ARID3A: variants seen among roughly 807,000 people sequenced by gnomAD.
ARID3A encodes the protein AT-rich interactive domain-containing protein 3A.
Under a neutral mutation model 52.7 loss-of-function variants are expected in ARID3A, and 11 were observed. The observed-to-expected ratio is 0.21, with a 90% CI of 0.13 to 0.35. The LOEUF (loss-of-function observed/expected upper bound fraction) is 0.35, where lower values mean the gene tolerates loss of function less well. Among genes scored for constraint, ARID3A ranks in the 10% least tolerant of loss-of-function variants. The pLI, the probability that ARID3A is intolerant of heterozygous loss-of-function variation, is 1.00. For synonymous variants in ARID3A, 404 were observed against 359.4 expected (o/e 1.12, Z -1.40); for missense variants, 721 against 838.5 (o/e 0.86, Z 1.73).
At position 932,604 on chromosome 19, in the gene ARID3A, C is replaced by T. The variant is rs774468616; in HGVS notation, c.555C>T (p.Gly185=). ...CCCAGCCACCCCAGGCCTTCCGCGG[C>T]GATGGCGTTCCCAGGGTGCTGGGGG... ...RKAQPPQAFR[G]DGVPRVLGGQ... Residue 185 remains glycine, a synonymous_variant, in exon 3 of 9, where the codon GGC becomes GGT. Coordinates refer to ENST00000263620, the MANE Select transcript of ARID3A (RefSeq NM_005224.3). The T allele has an allele frequency of 3.7e-5, 56 of 1,518,064 alleles. No individual in the cohort carries two copies. The South Asian group carries it at 5.0e-4, about 13-fold the overall frequency. The allele number at this position is 1,518,064 out of a possible 1,614,324, so 94.0% of individuals were successfully genotyped here.
At position 972,889 on chromosome 19, in the gene ARID3A, G is replaced by A. The variant is rs888380078; in HGVS notation, c.*824G>A. The A allele has an allele frequency of 5.1e-6, 1 of 195,474 alleles. No individual in the cohort carries two copies. The highest frequency in any genetic ancestry group is 1.1e-5 in the Non-Finnish European group (1 of 94,980). 12.1% of individuals were successfully genotyped at this position (195,474 alleles called of 1,614,324 possible). ...GGTCCCTTTGTCCATTTCTGGGGGT[G>A]CGTTGGGCAGCTGTGAGCCCAGCAC... On this transcript the variant is annotated 3_prime_UTR_variant, in exon 9 of 9. Coordinates refer to ENST00000263620, the MANE Select transcript of ARID3A (RefSeq NM_005224.3).
chr19:952,177 G>T (rs1476787410), intron 3 of ARID3A, among the ~76,000 whole-genome samples: 1 of 151,904 alleles, frequency 6.6e-6, no homozygotes, highest in Non-Finnish European at 1.5e-5. Context: ...GGGCGTGGTG[G>T]TTCATGCCCA....
chr19:939,094 C>A (rs1008903668), intron 3 of ARID3A, among the ~76,000 whole-genome samples: 13 of 140,858 alleles, frequency 9.2e-5, no homozygotes, highest in Non-Finnish European at 1.5e-5. Flanking sequence ...CCACACCTGG[C>A]CTATTTATTT....
intron 3 of ARID3A, among the ~76,000 whole-genome samples, chr19:953,367 C>T (rs1409027620): frequency 2.0e-5 from 3 of 152,016 alleles, no homozygotes; most frequent in Non-Finnish European, 4.4e-5. Flanking sequence ...CCCCCACCGG[C>T]GCCACCACCC....
At chr19:935,355 C>CCAG (rs1430474837) in intron 3 of ARID3A, among the ~76,000 whole-genome samples, 1 of 152,182 alleles carries the variant, frequency 6.6e-6, no homozygotes, top group African/African-American at 2.4e-5. Context: ...GTTTTGGAGG[C>CCAG]CAGCACGTGT....
Position 950,037 on chromosome 19 carries a change from G to A in ARID3A, c.694-10055G>A, listed in dbSNP as rs1048968696. 9.3e-5 allele frequency among the ~76,000 whole-genome samples: 14 copies of A among 150,912 alleles called. 1 individual carries two copies. The East Asian group carries it at 2.4e-3, about 25-fold the overall frequency. Reference sequence around the variant, plus strand: ...CAAAGAGGCCGTCCCCAGAGTGAACGGATGGATGAGGCCGTCCCCAGAGTG... The same window carrying A: ...CAAAGAGGCCGTCCCCAGAGTGAACAGATGGATGAGGCCGTCCCCAGAGTG... On this transcript the variant is annotated intron_variant, in intron 3 of 8. Coordinates refer to ENST00000263620, the MANE Select transcript of ARID3A (RefSeq NM_005224.3).
At chr19:931,950 G>C (rs879084091) in intron 2 of ARID3A, among the ~76,000 whole-genome samples, 3 of 152,108 alleles carry the variant, frequency 2.0e-5, no homozygotes, top group Non-Finnish European at 4.4e-5. Flanking sequence ...GGTGGAGCTG[G>C]GACAGCATGC....
rs560329211 is a variant in ARID3A, at chr19:974,390, A to G, written c.*2325A>G. On this transcript the variant is annotated 3_prime_UTR_variant, in exon 9 of 9. Coordinates refer to ENST00000263620, the MANE Select transcript of ARID3A (RefSeq NM_005224.3). ...GAAGGGGGTGTCTGTTTGCCTCCAG[A>G]CACAATCGGGCCCCACTCGCAGAAC... 2.2e-5 allele frequency: 5 copies of G among 229,520 alleles called. No individual in the cohort carries two copies. Among genetic ancestry groups the G allele is most frequent in the Non-Finnish European group, 3.5e-5 (4 of 115,890 alleles). The allele number at this position is 229,520 out of a possible 1,614,324, so 14.2% of individuals were successfully genotyped here. A position where few individuals can be genotyped will look rare whatever the true frequency, so the allele number is the denominator to read the frequency against.
At chr19:954,084 G>T (rs2037863149) in intron 3 of ARID3A, among the ~76,000 whole-genome samples, 1 of 152,156 alleles carries the variant, frequency 6.6e-6, no homozygotes, top group South Asian at 2.1e-4. Flanking sequence ...CGGGGCGGAG[G>T]GAGCAGGAGA....
At chr19:937,245 C>T (rs753371731) in intron 3 of ARID3A, among the ~76,000 whole-genome samples, 1 of 152,222 alleles carries the variant, frequency 6.6e-6, no homozygotes, top group African/African-American at 2.4e-5. Context: ...GCCTGGGCAA[C>T]AGAGGGAGAC....
Position 972,029 on chromosome 19 carries a change from A to C in ARID3A, c.1746A>C (p.Thr582=). The C allele has an allele frequency of 6.3e-7, 1 of 1,587,724 alleles. No homozygotes were observed. ...GGQAGPAGLS[T]PSTSTSNNSL... ...AGGCTGGGCCAGCGGGGCTGTCCAC[A>C]CCCTCCACATCTACCTCAAATAACT... Residue 582 remains threonine (T), a synonymous_variant, in exon 9 of 9, where the codon ACA becomes ACC. Coordinates refer to ENST00000263620, the MANE Select transcript of ARID3A (RefSeq NM_005224.3).
intron 3 of ARID3A, among the ~76,000 whole-genome samples, chr19:952,009 C>G (rs1189449477): frequency 6.6e-6 from 1 of 152,056 alleles, no homozygotes; most frequent in Non-Finnish European, 1.5e-5. Flanking sequence ...GGTGTGGTGG[C>G]ACGTGCCGGT....
intron 3 of ARID3A, chr19:956,845 G>A (rs1251646417): frequency 6.6e-6 from 1 of 152,450 alleles, no homozygotes; most frequent in East Asian, 1.9e-4. Flanking sequence ...TGGGGCCTTT[G>A]GCCGGCCTCC....
Position 932,539 on chromosome 19 carries a change from C to T in ARID3A, c.490C>T (p.Pro164Ser). Residue 164 changes from proline (P) to serine (S), a missense_variant, in exon 3 of 9, where the codon CCT (proline) becomes TCT (serine). By Grantham distance (74) the Pro-to-Ser change is moderately conservative. This residue lies in a region of ARID3A where 349 missense variants were observed against 297.3 expected (regional missense o/e 1.17). Coordinates refer to ENST00000263620, the MANE Select transcript of ARID3A (RefSeq NM_005224.3). ...CGAGGAGGGGCTGGGCCCCCCAGGC[C>T]CTGCCAGCTTGGGCACCACGGCACT... Reference protein sequence around the residue: ...EDEEGLGPPGPASLGTTALFP... With the variant: ...EDEEGLGPPGSASLGTTALFP... The T allele has an allele frequency of 5.3e-6, 8 of 1,516,960 alleles. No individual in the cohort carries two copies. Among genetic ancestry groups the T allele is most frequent in the Non-Finnish European group, 7.0e-6 (8 of 1,136,344 alleles). The allele number at this position is 1,516,960 out of a possible 1,614,324, so 94.0% of individuals were successfully genotyped here. A position where few individuals can be genotyped will look rare whatever the true frequency, so the allele number is the denominator to read the frequency against.
intron 3 of ARID3A, among the ~76,000 whole-genome samples, chr19:935,760 CA>C (rs1036664829): frequency 2.0e-5 from 3 of 151,974 alleles, no homozygotes; most frequent in African/African-American, 7.3e-5. Flanking sequence ...TGAGCCACCG[CA>C]CCCCACCATG....
chr19:951,500 A>C (rs1022289740), intron 3 of ARID3A, among the ~76,000 whole-genome samples: 2 of 151,926 alleles, frequency 1.3e-5, no homozygotes, highest in Non-Finnish European at 2.9e-5. Flanking sequence ...GCAGTGAGCT[A>C]TGACTGCATC....
chr19:954,940 G>A lies in ARID3A; in HGVS notation c.694-5152G>A, dbSNP rs577850829. ...GGCGGCGTGGAGGGGAGTGCGGGCCGCTTATCTCGGCCCTCAGCCCCTGGG... is the reference window on the plus strand; with the variant it reads ...GGCGGCGTGGAGGGGAGTGCGGGCCACTTATCTCGGCCCTCAGCCCCTGGG... On this transcript the variant is annotated intron_variant, in intron 3 of 8. Transcript: ENST00000263620. Among the ~76,000 whole-genome samples, 10 of 152,288 alleles carry A rather than the reference G, an allele frequency of 6.6e-5. No homozygotes were observed. In the East Asian group the frequency reaches 1.4e-3, roughly 21 times the overall value.
At position 969,605 on chromosome 19, in the gene ARID3A, T is replaced by C. The variant is rs115100213; in HGVS notation, c.1594+1102T>C. On this transcript the variant is annotated intron_variant, in intron 8 of 8. Transcript: ENST00000263620. ...AGCTGTAGCTATACATAGATATATA[T>C]AGATTAGATATAGATTTATATGTAT... 3.5e-3 allele frequency among the ~76,000 whole-genome samples: 534 copies of C among 151,430 alleles called. 4 individuals are homozygous for C. The highest frequency in any genetic ancestry group is 0.012 in the African/African-American group (509 of 41,332).
Position 964,462 on chromosome 19 carries a change from G to C in ARID3A, c.950+31G>C. The C allele has an allele frequency of 6.5e-7, 1 of 1,545,588 alleles. No individual in the cohort carries two copies. The highest frequency in any genetic ancestry group is 8.7e-7 in the Non-Finnish European group (1 of 1,143,250). On this transcript the variant is annotated intron_variant, in intron 5 of 8. Coordinates refer to ENST00000263620, the MANE Select transcript of ARID3A (RefSeq NM_005224.3). The surrounding 1 kb of genome is among the most constrained non-coding windows in gnomAD (Gnocchi z 5.7). ...TGGCGGACGGTTGTGCCGAGGTCGG[G>C]CCAGGGCACTCTGAGCAGCCAGTGC... is the stretch of plus-strand genomic sequence containing the variant.
Sources: gnomAD v4.1 joint callset for allele counts (sites outside exome capture counted in the v4.1 genomes callset) on GRCh38, gnomAD v4.1.1 for gene constraint, gnomAD v4.1.1 regional missense constraint, Gnocchi (gnomAD v3.1) non-coding constraint, MANE v1.5 for transcripts, NCBI Gene and HGNC (gene_info 2026-07-23, HGNC 2026-07-21) for gene names.